CWF19L2: variants seen among roughly 807,000 people sequenced by gnomAD.
The protein encoded by CWF19L2 is CWF19 like cell cycle control factor 2.
CWF19L2 carries 98 observed loss-of-function variants against 111.7 expected under a neutral mutation model. The ratio of observed to expected loss-of-function variants is 0.88; its 90% CI spans 0.75 to 1.04. The LOEUF (loss-of-function observed/expected upper bound fraction) is 1.04, where lower values mean the gene tolerates loss of function less well. Among genes scored for constraint, CWF19L2 ranks in the 50% least tolerant of loss-of-function variants. CWF19L2 has a pLI of 0.00. For missense variants in CWF19L2, 1,101 were observed against 1,051.4 expected (o/e 1.05, Z -0.65); for synonymous variants, 351 against 342.9 (o/e 1.02, Z -0.26).
chr11:107,433,449 TACA>T (rs2135413395), intron 7 of CWF19L2, among the ~76,000 whole-genome samples, 182 bp downstream of exon 7: 1 of 152,290 alleles, frequency 6.6e-6, no homozygotes, highest in Non-Finnish European at 1.5e-5. Context: ...ACTTAAGCTT[TACA>T]TTCATTATGT....
chr11:107,347,833 C>T (rs1486110171), intron 14 of CWF19L2, among the ~76,000 whole-genome samples: 1 of 152,146 alleles, frequency 6.6e-6, no homozygotes, highest in African/African-American at 2.4e-5. Context: ...AAATATAAAA[C>T]ATATACACAT....
chr11:107,373,312 G>A (rs1212143177), intron 12 of CWF19L2, among the ~76,000 whole-genome samples: 1 of 129,134 alleles, frequency 7.7e-6, no homozygotes, highest in Non-Finnish European at 1.6e-5. Context: ...TCCACCTCTG[G>A]GGGCAGGGCA....
chr11:107,328,931 C>G (rs1859802985), intron 17 of CWF19L2, among the ~76,000 whole-genome samples: 1 of 152,150 alleles, frequency 6.6e-6, no homozygotes, highest in Non-Finnish European at 1.5e-5. Flanking sequence ...TGCTGGTTAA[C>G]CCACTAAGGA....
intron 3 of CWF19L2, among the ~76,000 whole-genome samples, chr11:107,443,869 C>G (rs963574665): frequency 6.6e-6 from 1 of 152,182 alleles, no homozygotes; most frequent in African/African-American, 2.4e-5. Flanking sequence ...TTTACCTCAT[C>G]AAGAAAACTA....
intron 10 of CWF19L2, among the ~76,000 whole-genome samples, chr11:107,413,590 CA>C (rs2135395707): frequency 6.6e-6 from 1 of 152,246 alleles, no homozygotes; most frequent in Non-Finnish European, 1.5e-5. Context: ...CACCTGAAAA[CA>C]ATAATTTGGC....
intron 3 of CWF19L2, among the ~76,000 whole-genome samples, chr11:107,449,248 A>C (rs1167166390): frequency 6.6e-6 from 1 of 152,014 alleles, no homozygotes; most frequent in Non-Finnish European, 1.5e-5. Flanking sequence ...TAAAAGAAAA[A>C]AAGAATGAAG....
intron 3 of CWF19L2, among the ~76,000 whole-genome samples, chr11:107,448,517 A>G: frequency 6.6e-6 from 1 of 151,518 alleles, no homozygotes; most frequent in Admixed American, 6.6e-5. Flanking sequence ...AGGGAACAGA[A>G]AAAAAAAATA....
At chr11:107,385,774 T>A (rs1028335193) in intron 12 of CWF19L2, among the ~76,000 whole-genome samples, 1 of 152,246 alleles carries the variant, frequency 6.6e-6, no homozygotes, top group Non-Finnish European at 1.5e-5. Context: ...CCAGGGGACA[T>A]GAATCAGCCC....
chr11:107,393,038 T>G (rs1400425237), intron 10 of CWF19L2, 143 bp from the exon 11 acceptor site: 1 of 521,544 alleles, frequency 1.9e-6, no homozygotes, highest in East Asian at 3.5e-5. Flanking sequence ...TTTTCATTAC[T>G]CTCTATACTA....
rs558773454 is a variant in CWF19L2 at position 107,382,045 on chromosome 11, C to T, written c.1872+8029G>A. ...AAAGGATAAAATTACTGCCCACAGT[C>T]TCAACAAAATTAATGAGGAAAGATG... is the stretch of plus-strand genomic sequence containing the variant. On this transcript the variant is annotated intron_variant, in intron 12 of 17. Coordinates refer to ENST00000282251, the MANE Select transcript of CWF19L2 (RefSeq NM_152434.3). 3.3e-5 allele frequency among the ~76,000 whole-genome samples: 5 copies of T among 152,148 alleles called. No homozygotes were observed. In the South Asian group the frequency reaches 1.0e-3, roughly 32 times the overall value.
At chr11:107,342,583 T>C (rs1860020729) in intron 14 of CWF19L2, among the ~76,000 whole-genome samples, 1 of 152,144 alleles carries the variant, frequency 6.6e-6, no homozygotes, top group Admixed American at 6.5e-5. Flanking sequence ...AGATAGAGTC[T>C]ATGCTCTGAA....
chr11:107,440,780 A>G (rs1032349433), intron 5 of CWF19L2, among the ~76,000 whole-genome samples: 1 of 152,246 alleles, frequency 6.6e-6, no homozygotes, highest in Non-Finnish European at 1.5e-5. Flanking sequence ...AGCTCCCAGT[A>G]CAAGAAATCT....
At chr11:107,346,196 AT>A (rs34474312) in intron 14 of CWF19L2, among the ~76,000 whole-genome samples, 1 of 152,196 alleles carries the variant, frequency 6.6e-6, no homozygotes, top group African/African-American at 2.4e-5. Flanking sequence ...TATAGGACTG[AT>A]TTTGGAATAT....
chr11:107,406,312 T>G (rs191753803), intron 10 of CWF19L2, among the ~76,000 whole-genome samples: 1 of 152,298 alleles, frequency 6.6e-6, no homozygotes, highest in African/African-American at 2.4e-5. Flanking sequence ...CCATAAAGCA[T>G]GTTTCAACTT....
At chr11:107,383,382 C>T (rs1860720823) in intron 12 of CWF19L2, among the ~76,000 whole-genome samples, 1 of 152,142 alleles carries the variant, frequency 6.6e-6, no homozygotes, top group African/African-American at 2.4e-5. Flanking sequence ...GAGAAAAAAA[C>T]CCACACATTT....
Position 107,457,804 on chromosome 11 carries a change from T to C in CWF19L2, c.13A>G (p.Met5Val), listed in dbSNP as rs1415221224. MATS[M>V]AAASGRFESA... The stretch of plus-strand genomic sequence containing the variant: ...TCAAATCTACCACTAGCAGCCGCCA[T>C]ACTTGTTGCCATCGTAAAGCTAAGA... Residue 5 changes from methionine to valine, a missense_variant, in exon 1 of 18, where the codon ATG becomes GTG. Transcript: ENST00000282251. 6.4e-7 allele frequency: 1 copy of C among 1,551,740 alleles called. No homozygotes were observed.
chr11:107,380,834 G>GA (rs1444083643), intron 12 of CWF19L2, among the ~76,000 whole-genome samples: 2 of 150,922 alleles, frequency 1.3e-5, no homozygotes, highest in East Asian at 3.9e-4. Context: ...ATGAACAAAT[G>GA]AATGGAGTTT....
chr11:107,403,299 A>C (rs960622425), intron 10 of CWF19L2: 6 of 464,740 alleles, frequency 1.3e-5, no homozygotes, highest in African/African-American at 9.9e-5. Context: ...GAGTCCAGTC[A>C]TTCTAAATTT....
At chr11:107,379,824 C>T (rs1860654526) in intron 12 of CWF19L2, among the ~76,000 whole-genome samples, 1 of 151,948 alleles carries the variant, frequency 6.6e-6, no homozygotes, top group Non-Finnish European at 1.5e-5. Flanking sequence ...CTTTGGGAGG[C>T]CGAGGCAGGT....
Sources: allele counts gnomAD v4.1 joint callset (sites outside exome capture counted in the v4.1 genomes callset), GRCh38; gene constraint gnomAD v4.1.1; transcripts MANE v1.5; gene names NCBI Gene and HGNC (gene_info 2026-07-23, HGNC 2026-07-21).